The following LIMS2 variants were observed in gnomAD, a reference collection of about 807,000 sequenced individuals.
The protein encoded by LIMS2 is LIM zinc finger domain containing 2.
LIMS2 carries 30 observed loss-of-function variants against 45.3 expected under a neutral mutation model. That is an observed-to-expected ratio of 0.66 (90% confidence interval 0.50 to 0.90). The LOEUF is 0.90. LIMS2 is among the 40% of genes least tolerant of loss of function. The probability of loss-of-function intolerance (pLI) is 0.00; values close to 1 mark genes in which losing one functional copy is unlikely to be tolerated. For missense variants in LIMS2, 485 were observed against 468.7 expected, an observed-to-expected ratio of 1.03 and a Z score of -0.32; for synonymous variants, 173 against 188.0, an observed-to-expected ratio of 0.92 and a Z score of 0.65.
chr2:127,675,923 A>G (rs1260953321), upstream of LIMS2, among the ~76,000 whole-genome samples: 1 of 152,212 alleles, frequency 6.6e-6, no homozygotes, highest in African/African-American at 2.4e-5. Context: ...GGCGAAAGAT[A>G]TTTCTTAAAC....
intron 1 of LIMS2, among the ~76,000 whole-genome samples, chr2:127,669,216 A>T (rs965069091): frequency 6.6e-6 from 1 of 152,256 alleles, no homozygotes; most frequent in South Asian, 2.1e-4. Flanking sequence ...GGATAGCTAC[A>T]TGCTAACAGT....
intron 2 of LIMS2, 137 bp from the exon 3 acceptor site, chr2:127,655,033 G>T: frequency 1.2e-6 from 1 of 809,200 alleles, no homozygotes; most frequent in South Asian, 1.5e-5. Flanking sequence ...GGCTGGAGCA[G>T]TGGGTCCCAG....
intron 1 of LIMS2, among the ~76,000 whole-genome samples, chr2:127,659,638 C>T (rs902839243): frequency 6.6e-6 from 1 of 152,190 alleles, no homozygotes; most frequent in African/African-American, 2.4e-5. Context: ...TTAGAGAAGT[C>T]GGAAATCAAC....
intron 4 of LIMS2, chr2:127,643,281 G>C: frequency 1.7e-6 from 1 of 605,066 alleles, no homozygotes; most frequent in Non-Finnish European, 3.0e-6. Flanking sequence ...TGCTCAGCAG[G>C]AAAGATGCCA....
At chr2:127,650,633 G>T in intron 4 of LIMS2, 1 of 953,542 alleles carries the variant, frequency 1.0e-6, no homozygotes. Context: ...TGAAGGCATT[G>T]GAGGCCTGAC....
intron 1 of LIMS2, among the ~76,000 whole-genome samples, chr2:127,659,141 A>G (rs916680747): frequency 1.4e-4 from 22 of 152,066 alleles, no homozygotes; most frequent in African/African-American, 2.4e-5. Context: ...GATGGACTGG[A>G]AACTTGAAAG....
At position 127,667,541 on chromosome 2, in the gene LIMS2, C is replaced by T. The variant is rs1290681086; in HGVS notation, c.11+7473G>A. Among the ~76,000 whole-genome samples, 2 of 152,224 alleles carry T rather than the reference C, an allele frequency of 1.3e-5. No homozygotes were observed. Among genetic ancestry groups the T allele is most frequent in the Non-Finnish European group, 2.9e-5 (2 of 68,050 alleles). On this transcript the variant is annotated intron_variant, in intron 1 of 9. Transcript: ENST00000355119. This position sits in a 1 kb window ranked among gnomAD's most constrained non-coding sequence, Gnocchi z 4.1. ...TCCCAAGAACATAGGGTTGGTTTCACATCCAAAATTCAATGTAATATACCA... is the reference window on the plus strand; with the variant it reads ...TCCCAAGAACATAGGGTTGGTTTCATATCCAAAATTCAATGTAATATACCA...
chr2:127,643,524 A>G (rs1291179288), intron 4 of LIMS2: 1 of 456,838 alleles, frequency 2.2e-6, no homozygotes, highest in Non-Finnish European at 4.4e-6. Flanking sequence ...CCAGATGAAG[A>G]AGGGCCCAAA....
intron 2 of LIMS2, among the ~76,000 whole-genome samples, chr2:127,656,952 A>C (rs1684298189): frequency 6.6e-6 from 1 of 152,146 alleles, no homozygotes; most frequent in South Asian, 2.1e-4. Flanking sequence ...GGGTATGTGC[A>C]TATGCGGTGC....
intron 1 of LIMS2, among the ~76,000 whole-genome samples, chr2:127,666,742 T>C (rs1001573195): frequency 1.1e-4 from 17 of 152,142 alleles, no homozygotes; most frequent in African/African-American, 2.4e-4. Flanking sequence ...AGGAAACTTA[T>C]AGTCGTGGCA....
At chr2:127,649,893 C>T (rs1309522114) in intron 4 of LIMS2, 2 of 820,420 alleles carry the variant, frequency 2.4e-6, no homozygotes, top group Non-Finnish European at 2.0e-6. Context: ...TGGGTCTTCC[C>T]CTCCTGGAAG....
At chr2:127,641,375 C>T (rs1165265979) in intron 6 of LIMS2, 2 of 214,912 alleles carry the variant, frequency 9.3e-6, no homozygotes, top group African/African-American at 4.6e-5. Flanking sequence ...AGAGGCGGCC[C>T]TGCCTGTCCA....
rs1685302365 is a variant in LIMS2 at position 127,672,290 on chromosome 2, TG to T, written c.11+2723del. On this transcript the variant is annotated intron_variant, in intron 1 of 9. Transcript: ENST00000355119. The surrounding 1 kb of genome is among the most constrained non-coding windows in gnomAD (Gnocchi z 4.9). Reference sequence around the variant, plus strand: ...CTGTGATAGTCAAAGATCTTGTGGTTGTAAGTTGCAAAGTCCCTGAGTTGCT... The same window carrying T: ...CTGTGATAGTCAAAGATCTTGTGGTTTAAGTTGCAAAGTCCCTGAGTTGCT... 6.6e-6 allele frequency among the ~76,000 whole-genome samples: 1 copy of T among 152,146 alleles called. No homozygotes were observed. The highest frequency in any genetic ancestry group is 1.5e-5 in the Non-Finnish European group (1 of 68,014).
intron 1 of LIMS2, among the ~76,000 whole-genome samples, chr2:127,658,819 T>C (rs1684430954): frequency 6.6e-6 from 1 of 152,192 alleles, no homozygotes. Context: ...TGGTAACGTC[T>C]GCCTGGTTGC....
chr2:127,673,415 G>A (rs534956803), intron 1 of LIMS2, among the ~76,000 whole-genome samples: 2 of 152,280 alleles, frequency 1.3e-5, no homozygotes, highest in African/African-American at 2.4e-5. Context: ...GTCATTTGAG[G>A]GTAAGAGTTT....
rs1685449402 is a variant in LIMS2 at position 127,675,099 on chromosome 2, G to C, written c.-75C>G. ...CTCTGCTGCTGCAGCCGCCAGCCGA[G>C]CGCCCGCCCGCCAGCCCGGGCCGCG... On this transcript the variant is annotated 5_prime_UTR_variant, in exon 1 of 10. Coordinates refer to ENST00000355119, the MANE Select transcript of LIMS2 (RefSeq NM_001161403.3). 5.8e-6 allele frequency: 7 copies of C among 1,213,412 alleles called. No homozygotes were observed. The highest frequency in any genetic ancestry group is 1.6e-5 in the African/African-American group (1 of 63,832). The allele number at this position is 1,213,412 out of a possible 1,614,324, so 75.2% of individuals were successfully genotyped here.
rs1573838883 is a variant in LIMS2 at position 127,664,878 on chromosome 2, A to G, written c.12-7316T>C. ...GAGGACCGGAGCCACACAGGCCCACATTCTGCTTTGCTCCCTTCTCTGAGA... is the reference window on the plus strand; with the variant it reads ...GAGGACCGGAGCCACACAGGCCCACGTTCTGCTTTGCTCCCTTCTCTGAGA... On this transcript the variant is annotated intron_variant, in intron 1 of 9. Transcript: ENST00000355119. The surrounding 1 kb of genome is among the most constrained non-coding windows in gnomAD (Gnocchi z 5.5). Among the ~76,000 whole-genome samples, 1 of 152,186 alleles carries G rather than the reference A, an allele frequency of 6.6e-6. No individual in the cohort carries two copies. Among genetic ancestry groups the G allele is most frequent in the East Asian group, 1.9e-4 (1 of 5,192 alleles).
intron 4 of LIMS2, 90 bp from the exon 5 acceptor site, chr2:127,643,162 T>C: frequency 7.2e-7 from 1 of 1,389,722 alleles, no homozygotes; most frequent in Non-Finnish European, 9.7e-7. Context: ...CCCTGCAACT[T>C]CACTGAGCAG....
At chr2:127,650,087 G>C (rs774838937) in intron 4 of LIMS2, 5 of 1,599,184 alleles carry the variant, frequency 3.1e-6, no homozygotes, top group African/African-American at 2.7e-5. Context: ...TGGGTAAAAA[G>C]AGTAGACCTC....
Sources: allele counts gnomAD v4.1 joint callset (sites outside exome capture counted in the v4.1 genomes callset), GRCh38; gene constraint gnomAD v4.1.1; non-coding constraint Gnocchi (gnomAD v3.1); transcripts MANE v1.5; gene names NCBI Gene and HGNC (gene_info 2026-07-23, HGNC 2026-07-21).